The following TMEM184C variants were observed in gnomAD, a reference collection of about 807,000 sequenced individuals.
The protein encoded by TMEM184C is transmembrane protein 184C, also known as transmembrane protein 34.
A neutral mutation model predicts 54.5 loss-of-function variants in TMEM184C; 25 were observed. The ratio of observed to expected loss-of-function variants is 0.46; its 90% CI spans 0.33 to 0.64. TMEM184C has a LOEUF of 0.64. Among genes scored for constraint, TMEM184C ranks in the 30% least tolerant of loss-of-function variants. The pLI is 0.02. For synonymous variants in TMEM184C, 148 were observed against 181.5 expected (o/e 0.82, Z 1.49); for missense variants, 335 against 520.3 (o/e 0.64, Z 3.46).
At chr4:147,622,008 A>G (rs1390679951) in intron 1 of TMEM184C, among the ~76,000 whole-genome samples, 1 of 135,656 alleles carries the variant, frequency 7.4e-6, no homozygotes, top group African/African-American at 2.7e-5. Flanking sequence ...TTTTTGAGCC[A>G]GGGTCTCGCT....
chr4:147,624,893 A>T lies in TMEM184C; in HGVS notation c.381A>T (p.Gly127=), dbSNP rs1321366271. The T allele has an allele frequency of 1.2e-6, 2 of 1,613,828 alleles. No homozygotes were observed. Among genetic ancestry groups the T allele is most frequent in the Non-Finnish European group, 1.7e-6 (2 of 1,179,882 alleles). ...CTTATGTAATTTACAACTTTATGGGATTCCTTACCAATTATCTAACTAACC... is the reference window on the plus strand; with the variant it reads ...CTTATGTAATTTACAACTTTATGGGTTTCCTTACCAATTATCTAACTAACC... ...YEAYVIYNFM[G]FLTNYLTNRY... The change falls in exon 4 of 10, where the codon GGA becomes GGT. Residue 127 remains glycine (G), a synonymous_variant. Transcript: ENST00000296582.
chr4:147,620,429 G>A (rs920731592), intron 1 of TMEM184C, among the ~76,000 whole-genome samples: 1 of 152,184 alleles, frequency 6.6e-6, no homozygotes, highest in Non-Finnish European at 1.5e-5. Flanking sequence ...GAGGAAACCA[G>A]AAAAGATCTG....
At chr4:147,631,044 C>T (rs1326481149) in intron 6 of TMEM184C, among the ~76,000 whole-genome samples, 4 of 151,986 alleles carry the variant, frequency 2.6e-5, no homozygotes, top group Non-Finnish European at 5.9e-5. Context: ...AAGCTAAAGC[C>T]TCATAAAATG....
chr4:147,622,690 C>T (rs973766269), intron 1 of TMEM184C, among the ~76,000 whole-genome samples: 2 of 152,094 alleles, frequency 1.3e-5, no homozygotes, highest in African/African-American at 2.4e-5. Context: ...TAGAGTCTTA[C>T]GTCCATATAT....
chr4:147,625,023 G>C lies in TMEM184C; in HGVS notation c.497+14G>C, dbSNP rs1560952323. ...GGCTATGGGAGAGTAAGTATGTTTG[G>C]TTTAATTCTTTTATGTTTTGGTTTT... On this transcript the variant is annotated intron_variant, in intron 4 of 9. Transcript: ENST00000296582. 20 of 1,611,860 alleles carry C rather than the reference G, an allele frequency of 1.2e-5. No homozygotes were observed. Among genetic ancestry groups the C allele is most frequent in the Non-Finnish European group, 1.6e-5 (19 of 1,178,790 alleles).
At chr4:147,628,683 T>TG (rs1732858379) in intron 5 of TMEM184C, among the ~76,000 whole-genome samples, 2 of 152,078 alleles carry the variant, frequency 1.3e-5, no homozygotes, top group South Asian at 4.2e-4. Context: ...TAAAGCACTT[T>TG]GAAAAAAAAA....
In TMEM184C at chr4:147,634,524, T is replaced by C. The variant is rs948693393; in HGVS notation, c.*90T>C. ...TGTGCTTGGGACAGACCATAAATGATGGAAAATGTCAACACAAAAATAGCT... is the reference window on the plus strand; with the variant it reads ...TGTGCTTGGGACAGACCATAAATGACGGAAAATGTCAACACAAAAATAGCT... On this transcript the variant is annotated 3_prime_UTR_variant, in exon 10 of 10. Transcript: ENST00000296582. The C allele has an allele frequency of 5.6e-6, 8 of 1,438,562 alleles. No homozygotes were observed. The highest frequency in any genetic ancestry group is 7.5e-6 in the Non-Finnish European group (8 of 1,071,444). 89.1% of individuals were successfully genotyped at this position (1,438,562 alleles called of 1,614,324 possible).
Position 147,631,439 on chromosome 4 carries a change from A to C in TMEM184C, c.713A>C (p.Glu238Ala). The C allele has an allele frequency of 6.2e-7, 1 of 1,604,424 alleles. No homozygotes were observed. Among genetic ancestry groups the C allele is most frequent in the Non-Finnish European group, 8.5e-7 (1 of 1,178,036 alleles). Residue 238 changes from glutamate (E) to alanine (A), a missense_variant, in exon 7 of 10, where the codon GAA becomes GCA. Coordinates refer to ENST00000296582, the MANE Select transcript of TMEM184C (RefSeq NM_018241.3). Reference sequence around the variant, plus strand: ...CTCTTTTATAAAGTACTAAAAGAAGAACTGAGCCCAATCCAACCTGTTGGC... The same window carrying C: ...CTCTTTTATAAAGTACTAAAAGAAGCACTGAGCCCAATCCAACCTGTTGGC... ...LLLFYKVLKE[E>A]LSPIQPVGKF...
At position 147,620,019 on chromosome 4, in the gene TMEM184C, G is replaced by A. The variant is rs183030746; in HGVS notation, c.123+1940G>A. ...CTCAAGTCCTAGGCTTCCACTGCAC[G>A]GCTTTGCTCAAAAATCCCAGGCATG... is the stretch of plus-strand genomic sequence containing the variant. On this transcript the variant is annotated intron_variant, in intron 1 of 9. Transcript: ENST00000296582. Among the ~76,000 whole-genome samples, 557 of 152,218 alleles carry A rather than the reference G, an allele frequency of 3.7e-3. 2 individuals carry two copies. The highest frequency in any genetic ancestry group is 6.5e-3 in the Non-Finnish European group (441 of 68,024).
rs1442294027 is a variant in TMEM184C, at chr4:147,636,322, A to G, written c.*1888A>G. ...AAAGAGTCCAGATATAAATCCAAACATACACAGTCAACTAATTTTTGACAA... is the reference window on the plus strand; with the variant it reads ...AAAGAGTCCAGATATAAATCCAAACGTACACAGTCAACTAATTTTTGACAA... On this transcript the variant is annotated 3_prime_UTR_variant, in exon 10 of 10. Transcript: ENST00000296582. 6.6e-6 allele frequency: 1 copy of G among 152,176 alleles called. No homozygotes were observed. Among genetic ancestry groups the G allele is most frequent in the African/African-American group, 2.4e-5 (1 of 41,456 alleles). The allele number at this position is 152,176 out of a possible 1,614,324, so 9.4% of individuals were successfully genotyped here. A position where few individuals can be genotyped will look rare whatever the true frequency, so the allele number is the denominator to read the frequency against.
Position 147,624,018 on chromosome 4 carries a change from T to C in TMEM184C, c.255-44T>C, listed in dbSNP as rs765411337. The C allele has an allele frequency of 1.9e-6, 3 of 1,611,814 alleles. No homozygotes were observed. In the South Asian group the frequency reaches 3.3e-5, roughly 18 times the overall value. On this transcript the variant is annotated intron_variant, in intron 2 of 9. Transcript: ENST00000296582. Reference sequence around the variant, plus strand: ...CTGTTGTGTTGGCTTATTTCATAAATATGACATAAAATGTTTTAAATTTCT... The same window carrying C: ...CTGTTGTGTTGGCTTATTTCATAAACATGACATAAAATGTTTTAAATTTCT...
intron 1 of TMEM184C, among the ~76,000 whole-genome samples, chr4:147,620,343 C>G (rs1307768323): frequency 6.6e-6 from 1 of 152,140 alleles, no homozygotes; most frequent in Non-Finnish European, 1.5e-5. Context: ...TATGAGAGAA[C>G]ATTACCTCCA....
At chr4:147,627,874 A>G (rs1227904549) in intron 4 of TMEM184C, among the ~76,000 whole-genome samples, 1 of 149,840 alleles carries the variant, frequency 6.7e-6, no homozygotes, top group African/African-American at 2.5e-5. Flanking sequence ...TCTACAGAAA[A>G]TAAATTAGCC....
chr4:147,627,686 G>A (rs1732838968), intron 4 of TMEM184C, among the ~76,000 whole-genome samples: 1 of 152,226 alleles, frequency 6.6e-6, no homozygotes, highest in Non-Finnish European at 1.5e-5. Flanking sequence ...GATCACTTGA[G>A]CCCAGGAGGT....
Position 147,634,274 on chromosome 4 carries a change from T to C in TMEM184C, c.1157T>C (p.Ile386Thr). 6.2e-7 allele frequency: 1 copy of C among 1,614,160 alleles called. No homozygotes were observed. Among genetic ancestry groups the C allele is most frequent in the Non-Finnish European group, 8.5e-7 (1 of 1,180,018 alleles). ...TCATCATCACAAGATGCAATTTCCA[T>C]TGCTTCTTCTATGCCACCTTCACCC... Reference protein sequence around the residue: ...LSSSSQDAISIASSMPPSPMG... With the variant: ...LSSSSQDAISTASSMPPSPMG... The change falls in exon 10 of 10, where the codon ATT becomes ACT. Residue 386 changes from isoleucine (I) to threonine (T), a missense_variant. Transcript: ENST00000296582.
At position 147,632,970 on chromosome 4, in the gene TMEM184C, C is replaced by T. The variant is rs373558522; in HGVS notation, c.847C>T (p.Gln283Ter). 1 of 1,614,058 alleles carries T rather than the reference C, an allele frequency of 6.2e-7. No homozygotes were observed. Among genetic ancestry groups the T allele is most frequent in the Non-Finnish European group, 8.5e-7 (1 of 1,179,954 alleles). ...VISEKHTWEW[Q>*]TVEAVATGLQ... Reference sequence around the variant, plus strand: ...TTCTGAAAAGCATACGTGGGAATGGCAAACTGTAGAAGCTGTGGCCACCGG... The same window carrying T: ...TTCTGAAAAGCATACGTGGGAATGGTAAACTGTAGAAGCTGTGGCCACCGG... Residue 283 changes from glutamine to a stop codon, truncating the protein, a stop_gained, in exon 8 of 10, where the codon CAA becomes TAA. Transcript: ENST00000296582. LOFTEE classifies it high-confidence loss of function.
At chr4:147,624,687 A>G in intron 3 of TMEM184C, 117 bp from the exon 4 acceptor site, 1 of 861,682 alleles carries the variant, frequency 1.2e-6, no homozygotes, top group Middle Eastern at 3.4e-4. Flanking sequence ...AGTCCCATGT[A>G]AGTATATGAC....
At chr4:147,632,164 C>T (rs1732928591) in intron 7 of TMEM184C, among the ~76,000 whole-genome samples, 1 of 108,976 alleles carries the variant, frequency 9.2e-6, no homozygotes, top group Admixed American at 1.1e-4. Flanking sequence ...CAGAGTGAAA[C>T]TCTGTCTCAA....
At chr4:147,622,910 A>G (rs937685982) in intron 1 of TMEM184C, among the ~76,000 whole-genome samples, 9 of 151,876 alleles carry the variant, frequency 5.9e-5, no homozygotes, top group African/African-American at 1.9e-4. Context: ...CTACAGGCAC[A>G]TGCTTCCACG....
Sources: gnomAD v4.1 joint callset for allele counts (sites outside exome capture counted in the v4.1 genomes callset) on GRCh38, gnomAD v4.1.1 for gene constraint, MANE v1.5 for transcripts, NCBI Gene and HGNC (gene_info 2026-07-23, HGNC 2026-07-21) for gene names.